SLC4A4: variants seen among roughly 807,000 people sequenced by gnomAD.
SLC4A4 encodes electrogenic sodium bicarbonate cotransporter 1.
In SLC4A4, 27 loss-of-function variants were observed where a neutral mutation model predicts 111.5. The ratio of observed to expected loss-of-function variants is 0.24; its 90% CI spans 0.18 to 0.33. The LOEUF (loss-of-function observed/expected upper bound fraction) is 0.33. SLC4A4 is among the 10% of genes least tolerant of loss of function. The pLI is 1.00. For missense variants in SLC4A4, 909 were observed against 1,315.5 expected (o/e 0.69, Z 4.78); for synonymous variants, 443 against 463.4 (o/e 0.96, Z 0.57).
chr4:71,306,845 T>G (rs1219779715), intron 3 of SLC4A4, among the ~76,000 whole-genome samples: 1 of 152,228 alleles, frequency 6.6e-6, no homozygotes, highest in African/African-American at 2.4e-5. Context: ...AGGAAAGATG[T>G]TGCTTTTTCT....
At chr4:71,087,014 G>A (rs1476377521) in intron 1 of SLC4A4, among the ~76,000 whole-genome samples, 1 of 151,940 alleles carries the variant, frequency 6.6e-6, no homozygotes, top group African/African-American at 2.4e-5. Context: ...GGTAGAATTC[G>A]GCTGCGAATC....
At chr4:71,272,658 C>T (rs1052358447) in intron 3 of SLC4A4, among the ~76,000 whole-genome samples, 4 of 152,132 alleles carry the variant, frequency 2.6e-5, no homozygotes, top group African/African-American at 9.7e-5. Context: ...GGGTCAGCCT[C>T]GGCATGTGGT....
intron 6 of SLC4A4, among the ~76,000 whole-genome samples, chr4:71,395,180 C>G (rs1175248974): frequency 3.3e-5 from 5 of 152,018 alleles, no homozygotes; most frequent in Admixed American, 2.0e-4. Flanking sequence ...ACTGTAGAAA[C>G]CACTGATTTA....
In SLC4A4 at chr4:71,536,736, C is replaced by T. The variant is rs538555831; in HGVS notation, c.2442+2348C>T. 2.6e-4 allele frequency among the ~76,000 whole-genome samples: 39 copies of T among 150,936 alleles called. No individual in the cohort carries two copies. The South Asian group carries it at 5.5e-3, about 21-fold the overall frequency. The stretch of plus-strand genomic sequence containing the variant: ...GTCTTGAACTCCTGACCTCGTGATC[C>T]GCCCACCTTGGCCTCCCAAAGTGCT... On this transcript the variant is annotated intron_variant, in intron 18 of 25. Transcript: ENST00000264485.
chr4:71,382,021 C>T (rs1340084432), intron 6 of SLC4A4, among the ~76,000 whole-genome samples: 1 of 152,104 alleles, frequency 6.6e-6, no homozygotes, highest in Non-Finnish European at 1.5e-5. Context: ...ATTAAAGGAA[C>T]TGGAGAAAAG....
At chr4:71,461,864 A>G (rs1726860845) in intron 12 of SLC4A4, among the ~76,000 whole-genome samples, 1 of 152,186 alleles carries the variant, frequency 6.6e-6, no homozygotes, top group Non-Finnish European at 1.5e-5. Context: ...AAGTAAAGCA[A>G]GCTATTTTGT....
intron 2 of SLC4A4, among the ~76,000 whole-genome samples, chr4:71,119,645 A>G (rs1204817491): frequency 1.3e-5 from 2 of 152,182 alleles, no homozygotes. Context: ...ATTTTTAAAA[A>G]TTTATTCTAT....
rs768097042 is a variant in SLC4A4 at position 71,437,620 on chromosome 4, A to C, written c.808-2996A>C. 2.8e-4 allele frequency: 148 copies of C among 520,118 alleles called. 1 individual carries two copies. The highest frequency in any genetic ancestry group is 2.6e-3 in the Admixed American group (134 of 50,918). The allele number at this position is 520,118 out of a possible 1,614,324, so 32.2% of individuals were successfully genotyped here. The stretch of plus-strand genomic sequence containing the variant: ...CTCACCCTTCAATTTGCCTTCGTCA[A>C]CATCCACAAAGGCAAGTTTATCACC... On this transcript the variant is annotated intron_variant, in intron 7 of 25. Coordinates refer to ENST00000264485, the MANE Select transcript of SLC4A4 (RefSeq NM_001098484.3).
At chr4:71,120,895 G>A (rs1252523983) in intron 2 of SLC4A4, among the ~76,000 whole-genome samples, 1 of 152,194 alleles carries the variant, frequency 6.6e-6, no homozygotes, top group African/African-American at 2.4e-5. Context: ...CGAGGCCGGA[G>A]CCGGCTCCCT....
chr4:71,314,748 C>T (rs1350374002), intron 3 of SLC4A4, among the ~76,000 whole-genome samples: 4 of 151,960 alleles, frequency 2.6e-5, no homozygotes, highest in Non-Finnish European at 5.9e-5. Flanking sequence ...AGTGGAACAA[C>T]ACACACTGGG....
intron 12 of SLC4A4, among the ~76,000 whole-genome samples, chr4:71,462,335 T>A (rs1257679426): frequency 6.6e-6 from 1 of 152,004 alleles, no homozygotes; most frequent in Non-Finnish European, 1.5e-5. Context: ...TAAATTCAGA[T>A]GTCCCTGACT....
intron 3 of SLC4A4, among the ~76,000 whole-genome samples, chr4:71,260,972 T>G (rs1721812305): frequency 6.6e-6 from 1 of 152,216 alleles, no homozygotes. Flanking sequence ...GCCAAAAACT[T>G]GAGGCTAAAA....
intron 11 of SLC4A4, 49 bp from the exon 12 acceptor site, chr4:71,453,446 A>T: frequency 6.5e-7 from 1 of 1,539,510 alleles, no homozygotes. Context: ...GATTAATTTG[A>T]TGGTAATTTA....
chr4:71,385,195 T>A (rs868381773), intron 6 of SLC4A4, among the ~76,000 whole-genome samples: 50 of 34,800 alleles, frequency 1.4e-3, no homozygotes, highest in Non-Finnish European at 2.1e-3. Context: ...ATATATATTT[T>A]TTTTTTTTTT....
chr4:71,234,034 CT>C (rs1719630013), intron 1 of SLC4A4, among the ~76,000 whole-genome samples: 1 of 152,202 alleles, frequency 6.6e-6, no homozygotes, highest in Admixed American at 6.5e-5. Context: ...CTAAACTTGT[CT>C]TCACCTTAGA....
chr4:71,169,437 T>C (rs1021969400), intron 2 of SLC4A4, among the ~76,000 whole-genome samples: 1 of 152,188 alleles, frequency 6.6e-6, no homozygotes, highest in Non-Finnish European at 1.5e-5. Flanking sequence ...TGATTTGCAT[T>C]TCTCTGATGA....
intron 16 of SLC4A4, among the ~76,000 whole-genome samples, chr4:71,530,995 A>C (rs950635986): frequency 3.3e-5 from 5 of 152,098 alleles, no homozygotes; most frequent in Admixed American, 3.3e-4. Context: ...TATGAGCTTC[A>C]TGAGGACATG....
intron 12 of SLC4A4, among the ~76,000 whole-genome samples, chr4:71,460,872 A>AT (rs1286956327): frequency 2.0e-5 from 3 of 151,928 alleles, no homozygotes; most frequent in Admixed American, 6.6e-5. Context: ...AAGAATCAGT[A>AT]TTTTTTTTAT....
intron 2 of SLC4A4, among the ~76,000 whole-genome samples, chr4:71,116,041 C>G (rs1398707780): frequency 2.0e-5 from 3 of 152,136 alleles, no homozygotes; most frequent in Non-Finnish European, 4.4e-5. Context: ...TCTACAGGCA[C>G]ACACCACGAC....
Sources: gnomAD v4.1 joint callset for allele counts (sites outside exome capture counted in the v4.1 genomes callset) on GRCh38, gnomAD v4.1.1 for gene constraint, MANE v1.5 for transcripts, NCBI Gene and HGNC (gene_info 2026-07-23, HGNC 2026-07-21) for gene names.